PCCA: variants seen among roughly 807,000 people sequenced by gnomAD.
PCCA encodes the protein propionyl-CoA carboxylase alpha chain, mitochondrial.
Under a neutral mutation model 101.3 loss-of-function variants are expected in PCCA, and 74 were observed. The ratio of observed to expected loss-of-function variants is 0.73; its 90% CI spans 0.61 to 0.89. The LOEUF (loss-of-function observed/expected upper bound fraction) is 0.89, where lower values mean the gene tolerates loss of function less well. Ranked by LOEUF, PCCA falls within the 40% of genes least tolerant of loss-of-function variation. The pLI, the probability that PCCA is intolerant of heterozygous loss-of-function variation, is 0.00. For synonymous variants in PCCA, 294 were observed against 313.6 expected (o/e 0.94, Z 0.66); for missense variants, 891 against 907.0 (o/e 0.98, Z 0.23).
intron 16 of PCCA, among the ~76,000 whole-genome samples, chr13:100,317,383 C>T (rs1420611688): frequency 9.9e-5 from 15 of 152,112 alleles, no homozygotes; most frequent in Non-Finnish European, 2.1e-4. Context: ...TAAGTAGGAA[C>T]GTCTGTTTTC....
chr13:100,407,107 A>G (rs1167524080), intron 19 of PCCA, among the ~76,000 whole-genome samples: 2 of 152,250 alleles, frequency 1.3e-5, no homozygotes, highest in Admixed American at 1.3e-4. Context: ...ATAACTTAAC[A>G]TAACAACCTT....
intron 6 of PCCA, among the ~76,000 whole-genome samples, chr13:100,168,150 C>A (rs1024847671): frequency 6.6e-6 from 1 of 152,168 alleles, no homozygotes; most frequent in South Asian, 2.1e-4. Flanking sequence ...GTTCATTCTT[C>A]AGTTCCACAC....
At chr13:100,235,081 G>A (rs1176089062) in intron 7 of PCCA, among the ~76,000 whole-genome samples, 11 of 152,084 alleles carry the variant, frequency 7.2e-5, no homozygotes, top group Admixed American at 2.6e-4. Flanking sequence ...CATCTTCTTA[G>A]AGGTAGAAGT....
chr13:100,246,084 G>A (rs1234630732), intron 8 of PCCA, among the ~76,000 whole-genome samples: 1 of 152,154 alleles, frequency 6.6e-6, no homozygotes, highest in East Asian at 1.9e-4. Flanking sequence ...CTATCTAGGG[G>A]GTGTGGGCTG....
At chr13:100,476,968 A>G (rs896049074) in intron 21 of PCCA, among the ~76,000 whole-genome samples, 1 of 152,230 alleles carries the variant, frequency 6.6e-6, no homozygotes, top group African/African-American at 2.4e-5. Flanking sequence ...TCTCTACAGA[A>G]ATTAATTATC....
At chr13:100,325,671 T>A (rs950692531) in intron 16 of PCCA, among the ~76,000 whole-genome samples, 5 of 152,184 alleles carry the variant, frequency 3.3e-5, no homozygotes, top group African/African-American at 1.2e-4. Flanking sequence ...TCTGCACTTA[T>A]CTGTGAAGCT....
intron 6 of PCCA, among the ~76,000 whole-genome samples, chr13:100,192,165 TA>T (rs1169084500): frequency 1.3e-5 from 2 of 152,242 alleles, no homozygotes; most frequent in Non-Finnish European, 2.9e-5. Flanking sequence ...ATCATTGTAG[TA>T]AATTTATGTA....
At chr13:100,182,605 A>C (rs1211781463) in intron 6 of PCCA, among the ~76,000 whole-genome samples, 1 of 152,140 alleles carries the variant, frequency 6.6e-6, no homozygotes, top group Non-Finnish European at 1.5e-5. Flanking sequence ...AGTAGCCAGC[A>C]GTCAGTCAGT....
Position 100,334,184 on chromosome 13 carries a change from T to C in PCCA, c.1540+3513T>C, listed in dbSNP as rs1420910607. Among the ~76,000 whole-genome samples, 8 of 152,296 alleles carry C rather than the reference T, an allele frequency of 5.3e-5. No individual in the cohort carries two copies. The South Asian group carries it at 1.2e-3, about 24-fold the overall frequency. Reference sequence around the variant, plus strand: ...TAAGGATGAGGTAGCATTTAGACTATTGGAATACCTCTCCGGGGACTCTCT... The same window carrying C: ...TAAGGATGAGGTAGCATTTAGACTACTGGAATACCTCTCCGGGGACTCTCT... On this transcript the variant is annotated intron_variant, in intron 17 of 23. Coordinates refer to ENST00000376285, the MANE Select transcript of PCCA (RefSeq NM_000282.4).
chr13:100,526,794 A>AG (rs2087865436), intron 22 of PCCA, among the ~76,000 whole-genome samples: 1 of 152,274 alleles, frequency 6.6e-6, no homozygotes, highest in Non-Finnish European at 1.5e-5. Flanking sequence ...TCACTCCTGC[A>AG]GGGAAGCCTC....
chr13:100,290,747 A>G (rs2065057533), intron 12 of PCCA, among the ~76,000 whole-genome samples: 1 of 152,140 alleles, frequency 6.6e-6, no homozygotes, highest in Non-Finnish European at 1.5e-5. Context: ...TCTACTGGAT[A>G]TGTTTCTCTT....
chr13:100,500,742 T>C (rs918753565), intron 21 of PCCA, among the ~76,000 whole-genome samples: 1 of 152,174 alleles, frequency 6.6e-6, no homozygotes, highest in South Asian at 2.1e-4. Flanking sequence ...GACAGCAACA[T>C]TGAGGCCAGA....
At position 100,123,475 on chromosome 13, in the gene PCCA, G is replaced by A. The variant is rs545716613; in HGVS notation, c.300+11414G>A. Among the ~76,000 whole-genome samples, 5 of 152,214 alleles carry A rather than the reference G, an allele frequency of 3.3e-5. No individual in the cohort carries two copies. In the East Asian group the frequency reaches 9.6e-4, roughly 29 times the overall value. On this transcript the variant is annotated intron_variant, in intron 4 of 23. Coordinates refer to ENST00000376285, the MANE Select transcript of PCCA (RefSeq NM_000282.4). The stretch of plus-strand genomic sequence containing the variant: ...AAAATACAACAAGAAATGTAACCTC[G>A]TAGAAGCAATGGAAATGATAAAACA...
chr13:100,422,088 T>TTCTTTCTTTCTTTCTTTCTTTC (rs2078828253), intron 19 of PCCA, among the ~76,000 whole-genome samples: 1 of 139,080 alleles, frequency 7.2e-6, no homozygotes, highest in African/African-American at 3.0e-5. Flanking sequence ...CTTTCTTTCT[T>TTCTTTCTTTCTTTCTTTCTTTC]TCTTTCTTTC....
At chr13:100,362,286 G>A (rs190289352) in intron 18 of PCCA, among the ~76,000 whole-genome samples, 1 of 152,052 alleles carries the variant, frequency 6.6e-6, no homozygotes, top group Admixed American at 6.5e-5. Flanking sequence ...TTGTATGCGA[G>A]TAAAATTTAA....
intron 12 of PCCA, among the ~76,000 whole-genome samples, chr13:100,292,785 A>G (rs2065229869): frequency 1.3e-5 from 2 of 152,210 alleles, no homozygotes; most frequent in Non-Finnish European, 2.9e-5. Flanking sequence ...CCTTTCTGTT[A>G]TAAGGGTGTT....
At chr13:100,175,826 G>A (rs911493658) in intron 6 of PCCA, among the ~76,000 whole-genome samples, 1 of 152,160 alleles carries the variant, frequency 6.6e-6, no homozygotes, top group Admixed American at 6.5e-5. Context: ...AAAAGTTGTC[G>A]CAGGTAGCTT....
chr13:100,276,213 CAAAAAAAAAAAAA>C (rs59671834), intron 12 of PCCA, among the ~76,000 whole-genome samples: 11 of 102,140 alleles, frequency 1.1e-4, no homozygotes, highest in South Asian at 2.7e-4. Context: ...TTGTCTGTAC[CAAAAAAAAAAAAA>C]AAAAAAAAAA....
intron 23 of PCCA, 113 bp downstream of exon 23, chr13:100,527,865 G>T: frequency 1.2e-6 from 1 of 806,728 alleles, no homozygotes; most frequent in South Asian, 1.3e-5. Context: ...TCTCCCCCTC[G>T]CTTCTACAGA....
Sources: gnomAD v4.1 joint callset for allele counts (sites outside exome capture counted in the v4.1 genomes callset) on GRCh38, gnomAD v4.1.1 for gene constraint, MANE v1.5 for transcripts, NCBI Gene and HGNC (gene_info 2026-07-23, HGNC 2026-07-21) for gene names.